The following IGSF5 variants were observed in gnomAD, a reference collection of about 807,000 sequenced individuals.
IGSF5 encodes the protein immunoglobulin superfamily 5 like.
IGSF5 carries 41 observed loss-of-function variants against 39.4 expected under a neutral mutation model. The observed-to-expected ratio is 1.04, with a 90% CI of 0.81 to 1.35. The LOEUF (loss-of-function observed/expected upper bound fraction) is 1.35. Among genes scored for constraint, IGSF5 ranks in the 40% most tolerant of loss-of-function variants. The pLI is 0.00. For synonymous variants in IGSF5, 183 were observed against 175.3 expected (o/e 1.04, Z -0.34); for missense variants, 487 against 494.6 (o/e 0.98, Z 0.15).
chr21:39,755,852 T>C (rs4818084), intron 2 of IGSF5, among the ~76,000 whole-genome samples: 124,172 of 152,034 alleles, frequency 0.82, 50,881 homozygotes, highest in Admixed American at 0.86. Flanking sequence ...GCCTGTAATC[T>C]CAGCACTTTG....
the IGSF5 span, among the ~76,000 whole-genome samples, chr21:39,737,565 A>G: frequency 1.3e-5 from 2 of 152,162 alleles, no homozygotes; most frequent in Non-Finnish European, 2.9e-5. Flanking sequence ...ACTCTCAGGA[A>G]AACACTTGTT....
At chr21:39,765,987 C>G in intron 3 of IGSF5, 135 bp downstream of exon 3, 2 of 786,040 alleles carry the variant, frequency 2.5e-6, no homozygotes, top group Non-Finnish European at 4.0e-6. Flanking sequence ...TTATTCTGAA[C>G]TGATGAATGT....
At chr21:39,787,576 G>C (rs902153970) in intron 5 of IGSF5, among the ~76,000 whole-genome samples, 3 of 118,922 alleles carry the variant, frequency 2.5e-5, no homozygotes, top group African/African-American at 9.0e-5. Context: ...TTTTTTGGTG[G>C]GGTGGGGGCA....
chr21:39,721,660 C>A, the IGSF5 span, among the ~76,000 whole-genome samples: 9,590 of 151,460 alleles, frequency 0.063, 552 homozygotes, highest in East Asian at 0.22. Context: ...TGACACCAAA[C>A]CTGGCCATCT....
intron 4 of IGSF5, among the ~76,000 whole-genome samples, chr21:39,776,324 A>T (rs2080140623): frequency 6.6e-6 from 1 of 152,070 alleles, no homozygotes; most frequent in African/African-American, 2.4e-5. Context: ...CTACACTTTG[A>T]GCTCCAGTGG....
chr21:39,720,702 G>A, the IGSF5 span, among the ~76,000 whole-genome samples: 7 of 152,146 alleles, frequency 4.6e-5, no homozygotes, highest in East Asian at 1.9e-4. Flanking sequence ...AAAACTGAGC[G>A]AATAAATCTG....
chr21:39,747,696 T>C (rs981154117), intron 2 of IGSF5, among the ~76,000 whole-genome samples: 1 of 152,230 alleles, frequency 6.6e-6, no homozygotes, highest in Non-Finnish European at 1.5e-5. Context: ...AGTGGTTGTA[T>C]CATTTTAAAT....
rs571795928 is a variant in IGSF5, at chr21:39,774,102, T to C, written c.718+2887T>C. ...GGTGCTTGCAATGAGTCTAGCTTTA[T>C]TGGATTCATTTGGAACAGGGTAATT... On this transcript the variant is annotated intron_variant, in intron 4 of 8. Coordinates refer to ENST00000380588, the MANE Select transcript of IGSF5 (RefSeq NM_001080444.2). Among the ~76,000 whole-genome samples the C allele has an allele frequency of 4.6e-4, 70 of 152,342 alleles. No homozygotes were observed. In the Middle Eastern group the frequency reaches 0.01, roughly 22 times the overall value.
At chr21:39,771,852 G>T (rs1284795934) in intron 4 of IGSF5, among the ~76,000 whole-genome samples, 1 of 152,164 alleles carries the variant, frequency 6.6e-6, no homozygotes, top group South Asian at 2.1e-4. Context: ...GCCTGGACAG[G>T]GTGGGCCCGG....
intron 5 of IGSF5, among the ~76,000 whole-genome samples, chr21:39,787,919 A>C (rs1383085720): frequency 6.6e-6 from 1 of 152,188 alleles, no homozygotes; most frequent in Non-Finnish European, 1.5e-5. Flanking sequence ...AAATATAGTA[A>C]GTACTATACA....
chr21:39,790,944 TAAA>T, intron 6 of IGSF5, among the ~76,000 whole-genome samples: 1 of 152,376 alleles, frequency 6.6e-6, no homozygotes, highest in South Asian at 2.1e-4. Flanking sequence ...GGGCATAATT[TAAA>T]ATATATGGGA....
At chr21:39,797,325 T>C (rs1188314546) in intron 8 of IGSF5, among the ~76,000 whole-genome samples, 3 of 151,462 alleles carry the variant, frequency 2.0e-5, no homozygotes, top group Non-Finnish European at 4.4e-5. Context: ...TTCAAGCGAT[T>C]CTCCTGCCCC....
At chr21:39,734,666 G>A in the IGSF5 span, among the ~76,000 whole-genome samples, 4 of 152,024 alleles carry the variant, frequency 2.6e-5, no homozygotes, top group African/African-American at 9.7e-5. Context: ...TTGATTCAGT[G>A]ATGCTGGTAT....
At chr21:39,764,001 T>TA (rs377269052) in intron 2 of IGSF5, among the ~76,000 whole-genome samples, 12 of 152,314 alleles carry the variant, frequency 7.9e-5, no homozygotes, top group Admixed American at 3.3e-4. Flanking sequence ...CTGTTTTTTT[T>TA]AATGATGTCC....
chr21:39,767,522 G>A (rs760394799), intron 3 of IGSF5, among the ~76,000 whole-genome samples: 19 of 152,276 alleles, frequency 1.2e-4, no homozygotes, highest in East Asian at 5.8e-4. Context: ...TAGGGCTGCC[G>A]TGGTGTCAAA....
At chr21:39,779,416 C>A in intron 5 of IGSF5, 111 bp downstream of exon 5, 2 of 1,323,514 alleles carry the variant, frequency 1.5e-6, no homozygotes, top group Non-Finnish European at 2.1e-6. Flanking sequence ...TACAATATCA[C>A]TTTACCTCTA....
At chr21:39,793,482 C>T in intron 7 of IGSF5, 52 bp from the exon 8 acceptor site, 1 of 1,367,702 alleles carries the variant, frequency 7.3e-7, no homozygotes, top group Non-Finnish European at 1.0e-6. Context: ...TGTTAGAGCA[C>T]ACAGCTTGGT....
intron 2 of IGSF5, among the ~76,000 whole-genome samples, chr21:39,747,101 G>T (rs867196642): frequency 5.3e-5 from 8 of 152,176 alleles, no homozygotes; most frequent in Admixed American, 6.5e-5. Flanking sequence ...CTGTTTTCAC[G>T]CTGCTGAAGT....
chr21:39,724,087 TAAAATAAAATAAAATAAAATAA>T, the IGSF5 span, among the ~76,000 whole-genome samples: 1 of 107,992 alleles, frequency 9.3e-6, no homozygotes, highest in Non-Finnish European at 2.1e-5. Context: ...TAAAATAAAA[TAAAATAAAATAAAATAAAATAA>T]AATAAAATAA....
Sources: allele counts gnomAD v4.1 joint callset (sites outside exome capture counted in the v4.1 genomes callset), GRCh38; gene constraint gnomAD v4.1.1; transcripts MANE v1.5; gene names NCBI Gene and HGNC (gene_info 2026-07-23, HGNC 2026-07-21).